Variants in HS6ST3 observed in about 807,000 individuals in gnomAD.
The protein encoded by HS6ST3 is heparan sulfate 6-O-sulfotransferase 3.
In HS6ST3, 12 loss-of-function variants were observed where a neutral mutation model predicts 36.7. The ratio of observed to expected loss-of-function variants is 0.33; its 90% confidence interval spans 0.21 to 0.53. The LOEUF (loss-of-function observed/expected upper bound fraction) is 0.53, where lower values mean the gene tolerates loss of function less well. HS6ST3 is among the 20% of genes least tolerant of loss of function. HS6ST3 has a pLI of 0.95. For synonymous variants in HS6ST3, 240 were observed against 257.5 expected, an observed-to-expected ratio of 0.93 and a Z score of 0.65; for missense variants, 584 against 640.9, an observed-to-expected ratio of 0.91 and a Z score of 0.96.
chr13:96,314,030 A>G (rs2054955528), intron 1 of HS6ST3, among the ~76,000 whole-genome samples: 1 of 152,052 alleles, frequency 6.6e-6, no homozygotes, highest in South Asian at 2.1e-4. Flanking sequence ...ACAAAACCCC[A>G]TCTCTACCAA....
intron 1 of HS6ST3, among the ~76,000 whole-genome samples, chr13:96,444,180 G>A (rs1477509737): frequency 1.3e-5 from 2 of 151,802 alleles, no homozygotes; most frequent in Non-Finnish European, 2.9e-5. Context: ...TAAATCATGG[G>A]CATGATAAAA....
intron 1 of HS6ST3, among the ~76,000 whole-genome samples, chr13:96,145,517 A>G (rs2054053538): frequency 6.6e-6 from 1 of 151,706 alleles, no homozygotes; most frequent in Admixed American, 6.6e-5. Flanking sequence ...TTTTTCTTGT[A>G]AATTTGTTTG....
At chr13:96,203,655 C>T (rs962080185) in intron 1 of HS6ST3, among the ~76,000 whole-genome samples, 1 of 152,148 alleles carries the variant, frequency 6.6e-6, no homozygotes, top group African/African-American at 2.4e-5. Flanking sequence ...TGACTGTTCA[C>T]GTGGGAAGGA....
chr13:96,368,318 G>A (rs888071060), intron 1 of HS6ST3, among the ~76,000 whole-genome samples: 4 of 152,068 alleles, frequency 2.6e-5, no homozygotes, highest in Non-Finnish European at 4.4e-5. Flanking sequence ...CAGGAACTTG[G>A]TAGTAAAAGG....
chr13:96,778,036 T>A (rs1877433518), intron 1 of HS6ST3, among the ~76,000 whole-genome samples: 1 of 152,168 alleles, frequency 6.6e-6, no homozygotes, highest in African/African-American at 2.4e-5. Flanking sequence ...TACAACCATC[T>A]GATCTTTGAC....
At chr13:96,503,488 C>T (rs184439054) in intron 1 of HS6ST3, among the ~76,000 whole-genome samples, 1 of 152,144 alleles carries the variant, frequency 6.6e-6, no homozygotes, top group African/African-American at 2.4e-5. Flanking sequence ...GGAAGGTCAT[C>T]ATGACATGTC....
At chr13:96,783,549 G>A (rs987871460) in intron 1 of HS6ST3, among the ~76,000 whole-genome samples, 7 of 151,656 alleles carry the variant, frequency 4.6e-5, no homozygotes, top group Non-Finnish European at 2.9e-5. Flanking sequence ...CCTCAACTAT[G>A]GGGCATTAGA....
intron 1 of HS6ST3, among the ~76,000 whole-genome samples, chr13:96,493,582 A>G (rs562745499): frequency 6.6e-5 from 10 of 152,272 alleles, no homozygotes; most frequent in Non-Finnish European, 1.3e-4. Flanking sequence ...ATAAATTAAT[A>G]TTTCCCTCTT....
intron 1 of HS6ST3, among the ~76,000 whole-genome samples, chr13:96,329,743 C>A (rs1288955437): frequency 8.4e-6 from 1 of 119,210 alleles, no homozygotes; most frequent in Non-Finnish European, 1.7e-5. Context: ...TCCTTGTTGA[C>A]TTTCTGTCTC....
intron 1 of HS6ST3, among the ~76,000 whole-genome samples, chr13:96,332,682 G>A (rs1312877627): frequency 1.3e-5 from 2 of 152,120 alleles, no homozygotes; most frequent in African/African-American, 4.8e-5. Flanking sequence ...ATGACCGAAG[G>A]GATTGCAACG....
intron 1 of HS6ST3, among the ~76,000 whole-genome samples, chr13:96,691,530 A>C (rs520033): frequency 6.6e-6 from 1 of 152,022 alleles, no homozygotes; most frequent in Non-Finnish European, 1.5e-5. Context: ...TTTGCTAGCC[A>C]GCTCAGAAAT....
intron 1 of HS6ST3, among the ~76,000 whole-genome samples, chr13:96,203,934 C>A (rs552142621): frequency 6.6e-6 from 1 of 152,246 alleles, no homozygotes; most frequent in South Asian, 2.1e-4. Flanking sequence ...ATATTCATAT[C>A]TTTATCTTAA....
At chr13:96,320,445 T>A (rs1334757084) in intron 1 of HS6ST3, among the ~76,000 whole-genome samples, 1 of 152,206 alleles carries the variant, frequency 6.6e-6, no homozygotes, top group Non-Finnish European at 1.5e-5. Flanking sequence ...AAGTTTTAGT[T>A]GCTTTTTACA....
chr13:96,345,672 C>T (rs537853794), intron 1 of HS6ST3, among the ~76,000 whole-genome samples: 27 of 152,168 alleles, frequency 1.8e-4, no homozygotes, highest in Middle Eastern at 6.8e-3. Flanking sequence ...AACTTTTCCA[C>T]GGATTGGGTT....
chr13:96,275,510 C>T (rs1326076003), intron 1 of HS6ST3, among the ~76,000 whole-genome samples: 1 of 152,160 alleles, frequency 6.6e-6, no homozygotes, highest in African/African-American at 2.4e-5. Flanking sequence ...TCCATGTATT[C>T]ATTTTTTCCC....
chr13:96,769,848 G>A (rs9556625), intron 1 of HS6ST3, among the ~76,000 whole-genome samples: 17,407 of 150,906 alleles, frequency 0.12, 1,254 homozygotes, highest in East Asian at 0.3. Context: ...TTCTTATTTT[G>A]GAGCCATACA....
chr13:96,534,266 G>A (rs1357462786), intron 1 of HS6ST3, among the ~76,000 whole-genome samples: 4 of 152,160 alleles, frequency 2.6e-5, no homozygotes, highest in Non-Finnish European at 5.9e-5. Context: ...GGAACTCAGT[G>A]GAATGTTCTA....
intron 1 of HS6ST3, among the ~76,000 whole-genome samples, chr13:96,176,651 C>T (rs924809479): frequency 6.6e-5 from 10 of 152,078 alleles, no homozygotes; most frequent in Admixed American, 2.0e-4. Context: ...GGTGGCAATC[C>T]ACAAAATCCA....
intron 1 of HS6ST3, among the ~76,000 whole-genome samples, chr13:96,597,538 A>AT (rs112000741): frequency 0.014 from 2,117 of 150,204 alleles, 48 homozygotes; most frequent in African/African-American, 0.049. Flanking sequence ...GAGATTATTT[A>AT]TTTTTTTTTC....
Sources: gnomAD v4.1 joint callset for allele counts (sites outside exome capture counted in the v4.1 genomes callset) on GRCh38, gnomAD v4.1.1 for gene constraint, MANE v1.5 for transcripts, NCBI Gene and HGNC (gene_info 2026-07-23, HGNC 2026-07-21) for gene names.